Variants in ATXN8OS observed in about 807,000 individuals in gnomAD.
The protein encoded by ATXN8OS is ATXN8 opposite strand (non-protein coding).
At chr13:70,170,525 A>T (rs561883385) in exon 5 of ATXN8OS, among the ~76,000 whole-genome samples, 1 of 152,238 alleles carries the variant, frequency 6.6e-6, no homozygotes, top group East Asian at 1.9e-4. Flanking sequence ...AATGTCAAAG[A>T]ATAATCAAAG....
At chr13:70,117,177 C>G (rs7990911) in intron 2 of ATXN8OS, among the ~76,000 whole-genome samples, 109,641 of 151,944 alleles carry the variant, frequency 0.72, 39,836 homozygotes, top group South Asian at 0.85. Flanking sequence ...GTTGCTAAGA[C>G]AGCAGATTTG....
At chr13:70,116,253 T>A (rs900092942) in intron 2 of ATXN8OS, among the ~76,000 whole-genome samples, 2 of 151,844 alleles carry the variant, frequency 1.3e-5, no homozygotes, top group Admixed American at 6.6e-5. Context: ...ATAGTAAGTG[T>A]ATCAGATAAT....
At chr13:70,134,487 T>C (rs1206876472) in intron 3 of ATXN8OS, among the ~76,000 whole-genome samples, 2 of 152,162 alleles carry the variant, frequency 1.3e-5, no homozygotes, top group Admixed American at 1.3e-4. Flanking sequence ...AGGATGCTCG[T>C]TGAGCAGAAC....
chr13:70,167,934 C>T lies in ATXN8OS; in HGVS notation n.574-1819C>T, dbSNP rs563766514. 4.3e-3 allele frequency among the ~76,000 whole-genome samples: 653 copies of T among 152,004 alleles called. 6 individuals carry two copies. The highest frequency in any genetic ancestry group is 7.0e-3 in the Non-Finnish European group (479 of 67,954). ...TGTATTTTTAATAGAGACGGGGTTT[C>T]ACCGTGTGATCTCAATCTCCTGACA... is the stretch of plus-strand genomic sequence containing the variant. On this transcript the variant is annotated intron_variant and non_coding_transcript_variant, in intron 4 of 4. Coordinates refer to ENST00000678624, the Ensembl canonical transcript of ATXN8OS.
chr13:70,165,216 G>A (rs1208485925), intron 4 of ATXN8OS, among the ~76,000 whole-genome samples: 1 of 151,800 alleles, frequency 6.6e-6, no homozygotes, highest in Non-Finnish European at 1.5e-5. Context: ...AAGAGGAAGA[G>A]TGGAAATAAG....
chr13:70,138,832 A>G (rs983670856), intron 3 of ATXN8OS, among the ~76,000 whole-genome samples: 4 of 152,084 alleles, frequency 2.6e-5, no homozygotes, highest in Admixed American at 1.3e-4. Flanking sequence ...CTAGTACACG[A>G]TAATTCTCAT....
intron 3 of ATXN8OS, among the ~76,000 whole-genome samples, chr13:70,132,289 T>TA (rs893864101): frequency 3.6e-5 from 5 of 137,538 alleles, no homozygotes; most frequent in African/African-American, 5.5e-5. Context: ...TACACAGCCA[T>TA]AAAAAAACAA....
chr13:70,132,042 G>T (rs1270184295), intron 3 of ATXN8OS, among the ~76,000 whole-genome samples: 4 of 152,040 alleles, frequency 2.6e-5, no homozygotes, highest in Non-Finnish European at 1.5e-5. Flanking sequence ...GAAAAATCTG[G>T]TAAAACTTTT....
chr13:70,133,764 C>T (rs1310988466), intron 3 of ATXN8OS, among the ~76,000 whole-genome samples: 1 of 152,086 alleles, frequency 6.6e-6, no homozygotes, highest in Non-Finnish European at 1.5e-5. Context: ...GGGAGATGCT[C>T]CCCTACAGGA....
intron 3 of ATXN8OS, among the ~76,000 whole-genome samples, chr13:70,134,381 T>C (rs1416974449): frequency 6.6e-6 from 1 of 152,144 alleles, no homozygotes; most frequent in Non-Finnish European, 1.5e-5. Context: ...GCCTCAGCAT[T>C]ATAGGAGACA....
Position 70,128,483 on chromosome 13 carries a change from G to A in ATXN8OS, n.399-1301G>A, listed in dbSNP as rs78071837. ...AGGGGAGGGCAAATGGTCTTGAAGAGTAGAAACACCTTACTTTAGAGGTAG... is the reference window on the plus strand; with the variant it reads ...AGGGGAGGGCAAATGGTCTTGAAGAATAGAAACACCTTACTTTAGAGGTAG... On this transcript the variant is annotated intron_variant and non_coding_transcript_variant, in intron 2 of 4. Transcript: ENST00000678624. Among the ~76,000 whole-genome samples, 1,142 of 151,994 alleles carry A rather than the reference G, an allele frequency of 7.5e-3. 12 individuals are homozygous for A. Among genetic ancestry groups the A allele is most frequent in the African/African-American group, 0.026 (1,091 of 41,432 alleles).
intron 3 of ATXN8OS, among the ~76,000 whole-genome samples, chr13:70,132,946 T>C (rs1888555477): frequency 6.6e-6 from 1 of 152,220 alleles, no homozygotes; most frequent in African/African-American, 2.4e-5. Context: ...TGGATTGCAT[T>C]GTCATGGAAG....
chr13:70,107,742 G>T, upstream of ATXN8OS: 1 of 1,442,172 alleles, frequency 6.9e-7, no homozygotes, highest in Non-Finnish European at 9.2e-7. Flanking sequence ...TCACGCAGGA[G>T]TAGGCTGGTC....
intron 4 of ATXN8OS, among the ~76,000 whole-genome samples, chr13:70,156,261 G>A (rs1020327076): frequency 3.3e-5 from 5 of 151,856 alleles, no homozygotes; most frequent in Admixed American, 2.0e-4. Flanking sequence ...GTGTGTGTGT[G>A]TGTGTGTGTT....
At chr13:70,166,292 A>G (rs1486667450) in intron 4 of ATXN8OS, among the ~76,000 whole-genome samples, 1 of 152,258 alleles carries the variant, frequency 6.6e-6, no homozygotes, top group South Asian at 2.1e-4. Flanking sequence ...TAACCAAAAC[A>G]GCATGGTACT....
chr13:70,142,714 ATT>A (rs56868109), intron 3 of ATXN8OS, among the ~76,000 whole-genome samples: 5 of 151,602 alleles, frequency 3.3e-5, no homozygotes, highest in East Asian at 1.9e-4. Flanking sequence ...CCAACTTTTG[ATT>A]TTTTTTTTGG....
intron 4 of ATXN8OS, among the ~76,000 whole-genome samples, chr13:70,154,178 A>G (rs1888907920): frequency 6.6e-6 from 1 of 152,184 alleles, no homozygotes; most frequent in South Asian, 2.1e-4. Flanking sequence ...ATAATGCTCT[A>G]AATTTTTGAG....
intron 2 of ATXN8OS, among the ~76,000 whole-genome samples, chr13:70,125,758 T>C (rs1888424064): frequency 6.6e-6 from 1 of 152,172 alleles, no homozygotes; most frequent in African/African-American, 2.4e-5. Context: ...CAGTTGCAGA[T>C]ATTGATGCCA....
chr13:70,145,820 C>A (rs993998307), intron 3 of ATXN8OS, among the ~76,000 whole-genome samples: 18 of 151,782 alleles, frequency 1.2e-4, no homozygotes, highest in African/African-American at 4.4e-4. Flanking sequence ...TAGAAGAAAA[C>A]GTTGGCAATA....
Sources: gnomAD v4.1 joint callset for allele counts (sites outside exome capture counted in the v4.1 genomes callset) on GRCh38, gnomAD v4.1.1 for gene constraint, MANE v1.5 for transcripts, NCBI Gene and HGNC (gene_info 2026-07-23, HGNC 2026-07-21) for gene names.